Variants in GLG1 observed in about 807,000 individuals in gnomAD.
The protein encoded by GLG1 is Golgi apparatus protein 1.
GLG1 carries 38 observed loss-of-function variants against 160.5 expected under a neutral mutation model. The ratio of observed to expected loss-of-function variants is 0.24; its 90% confidence interval spans 0.18 to 0.31. GLG1 has a LOEUF of 0.31. Ranked by LOEUF, GLG1 falls within the 10% of genes least tolerant of loss-of-function variation. The pLI, the probability that GLG1 is intolerant of heterozygous loss-of-function variation, is 1.00. For synonymous variants in GLG1, 644 were observed against 543.4 expected (o/e 1.19, Z -2.57); for missense variants, 1,373 against 1,505.2 (o/e 0.91, Z 1.45).
chr16:74,510,862 G>A (rs1313204759), intron 2 of GLG1, among the ~76,000 whole-genome samples: 3 of 152,164 alleles, frequency 2.0e-5, no homozygotes, highest in African/African-American at 7.2e-5. Context: ...GCAGTATAGG[G>A]GAGGAATATT....
At chr16:74,478,888 C>A (rs1204337199) in intron 11 of GLG1, among the ~76,000 whole-genome samples, 9 of 92,416 alleles carry the variant, frequency 9.7e-5, no homozygotes, top group Non-Finnish European at 1.7e-4. Flanking sequence ...GAGTGAAACT[C>A]CGTCTCAAAA....
chr16:74,564,195 C>G (rs751878591), intron 1 of GLG1, among the ~76,000 whole-genome samples: 3 of 152,208 alleles, frequency 2.0e-5, no homozygotes, highest in Non-Finnish European at 4.4e-5. Flanking sequence ...CTGGGATTAA[C>G]AGGTGTGAGC....
chr16:74,535,342 A>C (rs1163615898), intron 1 of GLG1, among the ~76,000 whole-genome samples: 1 of 152,288 alleles, frequency 6.6e-6, no homozygotes, highest in Non-Finnish European at 1.5e-5. Context: ...ATGGAGACAC[A>C]AAAGTGCAAA....
rs1473771990 is a variant in GLG1, at chr16:74,447,501, G to A, written c.*5666C>T. 1 of 152,070 alleles carries A rather than the reference G, an allele frequency of 6.6e-6. No individual in the cohort carries two copies. Among genetic ancestry groups the A allele is most frequent in the East Asian group, 1.9e-4 (1 of 5,196 alleles). 9.4% of individuals were successfully genotyped at this position (152,070 alleles called of 1,614,324 possible). A position where few individuals can be genotyped will look rare whatever the true frequency, so the allele number is the denominator to read the frequency against. On this transcript the variant is annotated 3_prime_UTR_variant, in exon 26 of 26. Transcript: ENST00000422840. Reference sequence around the variant, plus strand: ...CTGTACAGAAAAAAATGCACATTATGTTCAGAACATATCTCAGTAACATCT... The same window carrying A: ...CTGTACAGAAAAAAATGCACATTATATTCAGAACATATCTCAGTAACATCT...
intron 14 of GLG1, among the ~76,000 whole-genome samples, chr16:74,471,549 C>A (rs1162836258): frequency 6.6e-6 from 1 of 152,052 alleles, no homozygotes; most frequent in Non-Finnish European, 1.5e-5. Context: ...GCTTTTGGGA[C>A]AATATCTAAC....
chr16:74,533,130 C>A (rs2017591487), intron 1 of GLG1, among the ~76,000 whole-genome samples: 1 of 151,930 alleles, frequency 6.6e-6, no homozygotes, highest in South Asian at 2.1e-4. Context: ...ACCATCCTGG[C>A]TAACACAGTG....
rs540201177 is a variant in GLG1, at chr16:74,514,652, G to A, written c.472-5727C>T. ...ACTCCCGAAGGAAGCACTAAACATGGATAGGAACAACCGGTACCAGCCACT... is the reference window on the plus strand; with the variant it reads ...ACTCCCGAAGGAAGCACTAAACATGAATAGGAACAACCGGTACCAGCCACT... On this transcript the variant is annotated intron_variant, in intron 2 of 25. Coordinates refer to ENST00000422840, the MANE Select transcript of GLG1 (RefSeq NM_001145667.2). Among the ~76,000 whole-genome samples the A allele has an allele frequency of 2.2e-4, 34 of 152,250 alleles. No homozygotes were observed. In the East Asian group the frequency reaches 5.6e-3, roughly 25 times the overall value.
chr16:74,579,704 A>G (rs528943376), intron 1 of GLG1, among the ~76,000 whole-genome samples: 1 of 151,928 alleles, frequency 6.6e-6, no homozygotes, highest in South Asian at 2.1e-4. Context: ...CATGGGTGAC[A>G]GCAAGACTCA....
chr16:74,569,076 A>G (rs1597356718), intron 1 of GLG1, among the ~76,000 whole-genome samples: 2 of 152,240 alleles, frequency 1.3e-5, no homozygotes, highest in African/African-American at 4.8e-5. Context: ...GGCCTGCCCA[A>G]GGTAGGAAAT....
chr16:74,498,433 CA>C (rs752055366), intron 4 of GLG1, among the ~76,000 whole-genome samples: 45 of 30,240 alleles, frequency 1.5e-3, no homozygotes, highest in Non-Finnish European at 2.7e-3. Flanking sequence ...GGCTCTGTCT[CA>C]AAAAAAAAAA....
chr16:74,593,596 G>C (rs1958234022), intron 1 of GLG1, among the ~76,000 whole-genome samples: 1 of 151,782 alleles, frequency 6.6e-6, no homozygotes, highest in African/African-American at 2.4e-5. Context: ...GACCATGCCT[G>C]GCTAATTTTT....
chr16:74,502,319 G>A (rs925476668), intron 4 of GLG1, among the ~76,000 whole-genome samples: 2 of 152,058 alleles, frequency 1.3e-5, no homozygotes, highest in African/African-American at 4.8e-5. Flanking sequence ...CTTCTGTTCA[G>A]CAGACTAAGT....
At chr16:74,557,909 T>C (rs750960918) in intron 1 of GLG1, among the ~76,000 whole-genome samples, 4 of 152,028 alleles carry the variant, frequency 2.6e-5, no homozygotes, top group South Asian at 2.1e-4. Context: ...GTCTTGAAGA[T>C]TGTGCTGAGG....
At chr16:74,471,599 T>A (rs2015210922) in intron 14 of GLG1, among the ~76,000 whole-genome samples, 1 of 152,192 alleles carries the variant, frequency 6.6e-6, no homozygotes, top group South Asian at 2.1e-4. Flanking sequence ...TTCCTGGGTA[T>A]GTTTCACTCC....
rs1478859142 is a variant in GLG1 at position 74,485,860 on chromosome 16, A to T, written c.1507T>A (p.Leu503Met). 1.2e-6 allele frequency: 2 copies of T among 1,612,122 alleles called. No individual in the cohort carries two copies. Among genetic ancestry groups the T allele is most frequent in the Non-Finnish European group, 1.7e-6 (2 of 1,178,260 alleles). Reference protein sequence around the residue: ...PGADYRIDRALNEACESVIQT... With the variant: ...PGADYRIDRAMNEACESVIQT... The stretch of plus-strand genomic sequence containing the variant: ...ATTACAGATTCACAAGCTTCATTCA[A>T]AGCTCGATCAATGCGGTAATCTGCA... The change falls in exon 9 of 26, where the codon TTG becomes ATG. Residue 503 changes from leucine to methionine, a missense_variant. Around this residue, in one of 4 missense-constraint regions of GLG1, gnomAD observed 386 missense variants for 388.5 expected, o/e 0.99. Coordinates refer to ENST00000422840, the MANE Select transcript of GLG1 (RefSeq NM_001145667.2).
chr16:74,576,393 G>C (rs886184589), intron 1 of GLG1, among the ~76,000 whole-genome samples: 5 of 152,080 alleles, frequency 3.3e-5, no homozygotes, highest in African/African-American at 1.2e-4. Context: ...ATGGATCATA[G>C]ACCATTTTAA....
chr16:74,462,143 G>A lies in GLG1; in HGVS notation c.2987C>T (p.Ala996Val). ...DQIRIIIQES[A>V]LDYRLDPQLQ... ...CTGAGGATCCAGGCGGTAGTCCAGG[G>A]CGGACTCCTGGATAATGATTCGGAT... The change falls in exon 22 of 26, where the codon GCC becomes GTC. Residue 996 changes from alanine to valine, a missense_variant. Physicochemically the swap from Ala to Val is moderately conservative, Grantham distance 64. Transcript: ENST00000422840. 6.2e-7 allele frequency: 1 copy of A among 1,608,970 alleles called. No homozygotes were observed. Among genetic ancestry groups the A allele is most frequent in the Non-Finnish European group, 8.5e-7 (1 of 1,175,412 alleles).
intron 19 of GLG1, among the ~76,000 whole-genome samples, chr16:74,465,322 A>G (rs1380174529): frequency 6.6e-6 from 1 of 152,254 alleles, no homozygotes; most frequent in Admixed American, 6.5e-5. Context: ...TTCTTAGTAC[A>G]GCTACTATTA....
chr16:74,457,433 T>C lies in GLG1; in HGVS notation c.3265+441A>G, dbSNP rs116938382. Among the ~76,000 whole-genome samples, 99 of 152,214 alleles carry C rather than the reference T, an allele frequency of 6.5e-4. No individual in the cohort carries two copies. The East Asian group carries it at 0.018, about 28-fold the overall frequency. On this transcript the variant is annotated intron_variant, in intron 24 of 25. Transcript: ENST00000422840. ...TAAAAATACAAACAAACAACTTCTA[T>C]TAGTTTTATTGGGTATACGTGGCTC...
Sources: gnomAD v4.1 joint callset for allele counts (sites outside exome capture counted in the v4.1 genomes callset) on GRCh38, gnomAD v4.1.1 for gene constraint, gnomAD v4.1.1 regional missense constraint, MANE v1.5 for transcripts, NCBI Gene and HGNC (gene_info 2026-07-23, HGNC 2026-07-21) for gene names.